Variants in KCNAB1 observed in about 807,000 individuals in gnomAD.
The protein encoded by KCNAB1 is voltage-gated potassium channel subunit beta-1.
KCNAB1 carries 35 observed loss-of-function variants against 64.6 expected under a neutral mutation model. The ratio of observed to expected loss-of-function variants is 0.54; its 90% CI spans 0.41 to 0.72. The LOEUF is 0.72. KCNAB1 is among the 30% of genes least tolerant of loss of function. The pLI is 0.00. For missense variants in KCNAB1, 401 were observed against 512.9 expected (o/e 0.78, Z 2.11); for synonymous variants, 177 against 183.8 (o/e 0.96, Z 0.30).
At chr3:156,499,303 G>T (rs1716219239) in intron 8 of KCNAB1, among the ~76,000 whole-genome samples, 1 of 152,074 alleles carries the variant, frequency 6.6e-6, no homozygotes, top group African/African-American at 2.4e-5. Context: ...AATCTTCAAA[G>T]GGGACCCATT....
intron 8 of KCNAB1, among the ~76,000 whole-genome samples, chr3:156,501,050 T>C (rs1381921425): frequency 6.6e-6 from 1 of 152,236 alleles, no homozygotes; most frequent in African/African-American, 2.4e-5. Context: ...GAGGCCGCTG[T>C]CATTGTCATC....
chr3:156,511,740 A>C (rs1717229289), intron 8 of KCNAB1, among the ~76,000 whole-genome samples: 4 of 152,194 alleles, frequency 2.6e-5, no homozygotes, highest in Admixed American at 2.6e-4. Flanking sequence ...CCCTGTTACT[A>C]ATGATTCTCC....
chr3:156,534,634 TC>T (rs1718932778), intron 13 of KCNAB1, among the ~76,000 whole-genome samples: 1 of 152,080 alleles, frequency 6.6e-6, no homozygotes, highest in Non-Finnish European at 1.5e-5. Flanking sequence ...CTGACCACTA[TC>T]CCAGCCTAGC....
intron 1 of KCNAB1, among the ~76,000 whole-genome samples, chr3:156,268,647 C>T (rs1226488441): frequency 6.6e-6 from 1 of 152,092 alleles, no homozygotes; most frequent in African/African-American, 2.4e-5. Context: ...TTTTCATATA[C>T]CAGTTTGCCA....
chr3:156,171,183 T>TCATG (rs1553812688), intron 1 of KCNAB1, among the ~76,000 whole-genome samples: 2 of 74,966 alleles, frequency 2.7e-5, no homozygotes, highest in Admixed American at 1.9e-4. Flanking sequence ...GTTAGAAACT[T>TCATG]CACGCACACA....
At chr3:156,201,697 G>A (rs957975563) in intron 1 of KCNAB1, among the ~76,000 whole-genome samples, 3 of 152,206 alleles carry the variant, frequency 2.0e-5, no homozygotes, top group African/African-American at 7.2e-5. Flanking sequence ...GCAGTGGCAT[G>A]GTAGGCTGCA....
At chr3:156,495,212 T>G (rs1715928069) in intron 8 of KCNAB1, among the ~76,000 whole-genome samples, 4 of 152,158 alleles carry the variant, frequency 2.6e-5, no homozygotes, top group Admixed American at 2.0e-4. Flanking sequence ...TCATTCCTTT[T>G]TGTGGCTGTA....
chr3:156,315,486 A>G (rs1722215664), intron 1 of KCNAB1, among the ~76,000 whole-genome samples: 1 of 152,222 alleles, frequency 6.6e-6, no homozygotes. Context: ...CTTTACAGAT[A>G]CAAGCACTGG....
intron 1 of KCNAB1, among the ~76,000 whole-genome samples, chr3:156,228,064 C>T (rs888380577): frequency 1.3e-5 from 2 of 152,154 alleles, no homozygotes; most frequent in African/African-American, 2.4e-5. Flanking sequence ...ACATCAGAAA[C>T]GTCTTCCACC....
intron 1 of KCNAB1, among the ~76,000 whole-genome samples, chr3:156,217,777 TC>T (rs755640536): frequency 2.0e-5 from 3 of 152,204 alleles, no homozygotes; most frequent in East Asian, 3.8e-4. Context: ...GGTCATAATG[TC>T]CCATTTACAA....
intron 7 of KCNAB1, among the ~76,000 whole-genome samples, chr3:156,467,368 G>A (rs1268114255): frequency 1.3e-5 from 2 of 152,060 alleles, no homozygotes; most frequent in African/African-American, 4.8e-5. Flanking sequence ...ATTCATGATT[G>A]ATCATTGAAA....
chr3:156,177,927 G>A lies in KCNAB1; in HGVS notation c.275+57041G>A, dbSNP rs546306962. ...TAATTTTTGTATTTTTAGTAGAGAC[G>A]GGGTTTCACCATGTTGGTCAGGGTG... is the stretch of plus-strand genomic sequence containing the variant. On this transcript the variant is annotated intron_variant, in intron 1 of 13. Coordinates refer to ENST00000490337, the MANE Select transcript of KCNAB1 (RefSeq NM_172160.3). Among the ~76,000 whole-genome samples the A allele has an allele frequency of 1.9e-3, 282 of 151,674 alleles. 1 individual carries two copies. The highest frequency in any genetic ancestry group is 6.6e-3 in the African/African-American group (273 of 41,350).
At chr3:156,264,719 T>A (rs1718603497) in intron 1 of KCNAB1, among the ~76,000 whole-genome samples, 1 of 152,164 alleles carries the variant, frequency 6.6e-6, no homozygotes, top group African/African-American at 2.4e-5. Flanking sequence ...CATACACATG[T>A]ATATAATAAT....
intron 1 of KCNAB1, chr3:156,176,636 A>G: frequency 9.8e-7 from 1 of 1,018,070 alleles, no homozygotes; most frequent in African/African-American, 1.6e-5. Flanking sequence ...ATTCCACAAC[A>G]ATATCAGTCG....
chr3:156,158,182 ATAAATAAAT>A (rs1376022084), intron 1 of KCNAB1, among the ~76,000 whole-genome samples: 964 of 51,012 alleles, frequency 0.019, 32 homozygotes, highest in South Asian at 0.034. Context: ...AAAATAAAAA[ATAAATAAAT>A]AAATAAATAA....
intron 1 of KCNAB1, chr3:156,273,605 G>A (rs1560168790): frequency 2.2e-6 from 1 of 456,578 alleles, no homozygotes; most frequent in Non-Finnish European, 4.4e-6. Context: ...GGAGAAGGGT[G>A]GCATCGGCAA....
At chr3:156,142,351 C>T (rs944327643) in intron 1 of KCNAB1, among the ~76,000 whole-genome samples, 1 of 152,152 alleles carries the variant, frequency 6.6e-6, no homozygotes, top group African/African-American at 2.4e-5. Flanking sequence ...TGAGGATTTT[C>T]TCCTGTTTTT....
chr3:156,270,360 C>G (rs1170737065), intron 1 of KCNAB1, among the ~76,000 whole-genome samples: 1 of 151,504 alleles, frequency 6.6e-6, no homozygotes, highest in Admixed American at 6.6e-5. Flanking sequence ...GTCTTATCTT[C>G]CTTCTTTTCT....
At chr3:156,257,346 A>G (rs1222350927) in intron 1 of KCNAB1, among the ~76,000 whole-genome samples, 4 of 152,152 alleles carry the variant, frequency 2.6e-5, no homozygotes, top group Non-Finnish European at 5.9e-5. Context: ...TCCTTTATCA[A>G]TTCTTCTGGG....
Sources: allele counts gnomAD v4.1 joint callset (sites outside exome capture counted in the v4.1 genomes callset), GRCh38; gene constraint gnomAD v4.1.1; transcripts MANE v1.5; gene names NCBI Gene and HGNC (gene_info 2026-07-23, HGNC 2026-07-21).